The following LZTR1 variants were observed in gnomAD, a reference collection of about 807,000 sequenced individuals.
LZTR1 encodes the protein leucine zipper like post translational regulator 1.
In LZTR1, 260 loss-of-function variants were observed where a neutral mutation model predicts 105.7. That is an observed-to-expected ratio of 2.46 (90% CI 2.22 to 2.72). LZTR1 has a LOEUF of 2.72. Ranked by LOEUF, LZTR1 falls within the 30% of genes most tolerant of loss-of-function variation. LZTR1 has a pLI of 0.00. For missense variants in LZTR1, 1,214 were observed against 1,166.9 expected (o/e 1.04, Z -0.59); for synonymous variants, 490 against 476.4 (o/e 1.03, Z -0.37).
Position 20,994,098 on chromosome 22 carries a change from C to G in LZTR1, c.1450-6C>G, listed in dbSNP as rs1924713521. ...GGGGTGTCCTTGAGCTCCCTTCTCC[C>G]CACAGAAGCTGGAGCAGGAGGCCGC... On this transcript the variant is annotated splice_polypyrimidine_tract_variant and splice_region_variant and intron_variant, in intron 13 of 20. Transcript: ENST00000646124. 6.3e-7 allele frequency: 1 copy of G among 1,577,468 alleles called. No homozygotes were observed. Among genetic ancestry groups the G allele is most frequent in the Non-Finnish European group, 8.6e-7 (1 of 1,159,914 alleles).
intron 20 of LZTR1, 129 bp downstream of exon 20, chr22:20,997,095 C>G (rs772471018): frequency 7.9e-6 from 9 of 1,136,482 alleles, no homozygotes; most frequent in African/African-American, 1.5e-5. Flanking sequence ...GCAGAGCAGC[C>G]CATCACTGGC....
Position 20,996,938 on chromosome 22 carries a change from T to C in LZTR1, c.2378T>C (p.Leu793Pro), listed in dbSNP as rs1057518130. The part of the protein sequence containing the change: ...TQALDMKRHC[L>P]HIIVHQFTKV... ...GCACTGGACATGAAGCGGCACTGCC[T>C]GCACATCATTGTGCACCAGTTCACC... The change falls in exon 20 of 21, where the codon CTG (leucine) becomes CCG (proline). Residue 793 changes from leucine to proline, a missense_variant. Transcript: ENST00000646124. 5 of 1,613,698 alleles carry C rather than the reference T, an allele frequency of 3.1e-6. No individual in the cohort carries two copies. Among genetic ancestry groups the C allele is most frequent in the South Asian group, 1.1e-5 (1 of 91,072 alleles).
intron 2 of LZTR1, among the ~76,000 whole-genome samples, chr22:20,984,041 G>GC (rs1231327834): frequency 6.6e-6 from 1 of 152,152 alleles, no homozygotes; most frequent in South Asian, 2.1e-4. Context: ...TGTACCAAGT[G>GC]CCCCCCTGCT....
Position 20,994,668 on chromosome 22 carries a change from C to T in LZTR1, c.1726C>T (p.Leu576=), listed in dbSNP as rs1169803340. The part of the protein sequence containing the change: ...CRQYIEASVD[L]QNVLVVCESA... ...CCAGTACATCGAGGCCTCCGTGGAC[C>T]TGCAGAACGTGCTGGTTGTGTGCGA... Residue 576 remains leucine (L), a synonymous_variant, in exon 15 of 21, where the codon CTG becomes TTG. Coordinates refer to ENST00000646124, the MANE Select transcript of LZTR1 (RefSeq NM_006767.4). 1.2e-6 allele frequency: 2 copies of T among 1,613,094 alleles called. No individual in the cohort carries two copies. Among genetic ancestry groups the T allele is most frequent in the Admixed American group, 1.7e-5 (1 of 60,026 alleles).
At chr22:20,993,800 A>G (rs761356911) in intron 12 of LZTR1, 46 bp downstream of exon 12, 2 of 1,583,928 alleles carry the variant, frequency 1.3e-6, no homozygotes, top group South Asian at 2.2e-5. Flanking sequence ...GTGCCTGGGC[A>G]GTGGGAATTT....
At chr22:20,997,205 T>A (rs905431223) in intron 20 of LZTR1, 27 bp from the exon 21 acceptor site, 2 of 1,494,588 alleles carry the variant, frequency 1.3e-6, no homozygotes, top group Non-Finnish European at 1.9e-6. Context: ...TCTGGTCCCA[T>A]CTCCTTCCGG....
intron 1 of LZTR1, 23 bp from the exon 2 acceptor site, chr22:20,983,004 G>T: frequency 1.2e-6 from 2 of 1,611,246 alleles, no homozygotes; most frequent in Middle Eastern, 1.7e-4. Context: ...TGTCCTTACC[G>T]CCCTCCACTC....
intron 18 of LZTR1, chr22:20,996,324 TG>T: frequency 3.3e-6 from 2 of 614,740 alleles, no homozygotes; most frequent in Non-Finnish European, 5.7e-6. Context: ...GAGGAACCAG[TG>T]GGTTCCTGAC....
Position 20,982,392 on chromosome 22 carries a change from G to T in LZTR1, c.21G>T (p.Thr7=), listed in dbSNP as rs377622689. The T allele has an allele frequency of 5.8e-6, 9 of 1,558,374 alleles. No individual in the cohort carries two copies. Among genetic ancestry groups the T allele is most frequent in the Non-Finnish European group, 7.8e-6 (9 of 1,150,842 alleles). The change falls in exon 1 of 21, where the codon ACG becomes ACT. Residue 7 remains threonine (T), a synonymous_variant. Coordinates refer to ENST00000646124, the MANE Select transcript of LZTR1 (RefSeq NM_006767.4). ...CCGGGATGGCTGGACCGGGCAGCAC[G>T]GGGGGGCAGATCGGGGCTGCGGCCC... MAGPGS[T]GGQIGAAALA...
At chr22:20,987,463 G>A (rs1443990953) in intron 3 of LZTR1, 41 bp from the exon 4 acceptor site, 1 of 1,205,008 alleles carries the variant, frequency 8.3e-7, no homozygotes, top group Non-Finnish European at 1.2e-6. Context: ...GACCTCATGG[G>A]TGACCCCCGC....
At position 20,991,703 on chromosome 22, in the gene LZTR1, G is replaced by A; in HGVS notation, c.867G>A (p.Met289Ile). ...CGCAGCGGCGCTACGGGCATACCATGGTGGCCTTTGACCGCCACCTCTATG... is the reference window on the plus strand; with the variant it reads ...CGCAGCGGCGCTACGGGCATACCATAGTGGCCTTTGACCGCCACCTCTATG... ...PPPQRRYGHT[M>I]VAFDRHLYVF... Residue 289 changes from methionine (M) to isoleucine (I), a missense_variant, in exon 9 of 21, where the codon ATG becomes ATA. Transcript: ENST00000646124. The A allele has an allele frequency of 6.3e-7, 1 of 1,596,902 alleles. No individual in the cohort carries two copies. Among genetic ancestry groups the A allele is most frequent in the Non-Finnish European group, 8.5e-7 (1 of 1,172,818 alleles).
chr22:20,983,495 A>G (rs1003182999), intron 2 of LZTR1, among the ~76,000 whole-genome samples: 1 of 152,186 alleles, frequency 6.6e-6, no homozygotes, highest in South Asian at 2.1e-4. Flanking sequence ...AAATTGCTCC[A>G]AACATCAGGC....
At position 20,987,589 on chromosome 22, in the gene LZTR1, C is replaced by T. The variant is rs971773000; in HGVS notation, c.400+6C>T. ...GAGCAGCATGTTTGTCTTTGGTAAG[C>T]AGCCTCTTGCCTCCCAGGGGCTGTG... On this transcript the variant is annotated splice_donor_region_variant and intron_variant, in intron 4 of 20. Coordinates refer to ENST00000646124, the MANE Select transcript of LZTR1 (RefSeq NM_006767.4). 66 of 1,613,684 alleles carry T rather than the reference C, an allele frequency of 4.1e-5. No homozygotes were observed. Among genetic ancestry groups the T allele is most frequent in the Non-Finnish European group, 5.6e-5 (66 of 1,179,558 alleles).
At chr22:20,982,713 C>T in intron 1 of LZTR1, 142 bp downstream of exon 1, 2 of 834,196 alleles carry the variant, frequency 2.4e-6, no homozygotes, top group Non-Finnish European at 1.9e-6. Flanking sequence ...GGACGCTGTT[C>T]AGGGCAGGGG....
Position 20,991,989 on chromosome 22 carries a change from G to C in LZTR1, c.993+160G>C, listed in dbSNP as rs956943215. ...GGCCTCAGCCCTGGACACCTGCCCC[G>C]GCCTCCAGCCCCAGCTTCACCCCAC... On this transcript the variant is annotated intron_variant, in intron 9 of 20. Transcript: ENST00000646124. 4.7e-4 allele frequency among the ~76,000 whole-genome samples: 71 copies of C among 152,174 alleles called. 4 individuals are homozygous for C. Among genetic ancestry groups the C allele is most frequent in the Non-Finnish European group, 4.4e-5 (3 of 68,016 alleles).
chr22:20,988,809 C>T lies in LZTR1; in HGVS notation c.530C>T (p.Ala177Val). ...TCCAGGTTGCCAGTCGCTAGGTCAG[C>T]CCATGGGGCCACGGTGTACAGTGAC... Reference protein sequence around the residue: ...IEGRLPVARSAHGATVYSDKL... With the variant: ...IEGRLPVARSVHGATVYSDKL... Residue 177 changes from alanine (A) to valine (V), a missense_variant, in exon 6 of 21, where the codon GCC (alanine) becomes GTC (valine). Transcript: ENST00000646124. 1 of 1,614,076 alleles carries T rather than the reference C, an allele frequency of 6.2e-7. No homozygotes were observed. Among genetic ancestry groups the T allele is most frequent in the Non-Finnish European group, 8.5e-7 (1 of 1,179,978 alleles).
At position 20,994,600 on chromosome 22, in the gene LZTR1, T is replaced by G. The variant is rs1349551741; in HGVS notation, c.1658T>G (p.Leu553Arg). The G allele has an allele frequency of 6.2e-7, 1 of 1,612,522 alleles. No individual in the cohort carries two copies. The highest frequency in any genetic ancestry group is 8.5e-7 in the Non-Finnish European group (1 of 1,179,970). The change falls in exon 15 of 21, where the codon CTG becomes CGG. Residue 553 changes from leucine (L) to arginine (R), a missense_variant. Transcript: ENST00000646124. ...CTGCTCATCATGGATGTGTACAAAC[T>G]GGCACTGAGCTTCCAGTTGTGCCGC... The part of the protein sequence containing the change: ...DVLLIMDVYK[L>R]ALSFQLCRLE...
chr22:20,997,244 C>G lies in LZTR1; in HGVS notation c.2419C>G (p.Pro807Ala). 1 of 1,612,862 alleles carries G rather than the reference C, an allele frequency of 6.2e-7. No homozygotes were observed. The highest frequency in any genetic ancestry group is 8.5e-7 in the Non-Finnish European group (1 of 1,178,996). ...VHQFTKVSKLPTLRSLSQQLL... is the reference protein window; with the variant it reads ...VHQFTKVSKLATLRSLSQQLL... Reference sequence around the variant, plus strand: ...GCTTGCCTTACAGGTCTCCAAGTTGCCCACCCTGCGGTCGCTGAGCCAGCA... The same window carrying G: ...GCTTGCCTTACAGGTCTCCAAGTTGGCCACCCTGCGGTCGCTGAGCCAGCA... Residue 807 changes from proline to alanine, a missense_variant, in exon 21 of 21, where the codon CCC (proline) becomes GCC (alanine). Transcript: ENST00000646124.
chr22:20,994,581 A>T lies in LZTR1; in HGVS notation c.1639A>T (p.Ile547Phe). Residue 547 changes from isoleucine to phenylalanine, a missense_variant, in exon 15 of 21, where the codon ATC becomes TTC. Physicochemically the swap from Ile to Phe is conservative, Grantham distance 21. Coordinates refer to ENST00000646124, the MANE Select transcript of LZTR1 (RefSeq NM_006767.4). ...RKGHVEDVLL[I>F]MDVYKLALSF... is the part of the protein sequence containing the mutation. ...AGGCCATGTGGAGGATGTGCTGCTC[A>T]TCATGGATGTGTACAAACTGGCACT... The T allele has an allele frequency of 6.2e-7, 1 of 1,611,598 alleles. No individual in the cohort carries two copies. The highest frequency in any genetic ancestry group is 8.5e-7 in the Non-Finnish European group (1 of 1,179,956).
Sources: gnomAD v4.1 joint callset for allele counts (sites outside exome capture counted in the v4.1 genomes callset) on GRCh38, gnomAD v4.1.1 for gene constraint, MANE v1.5 for transcripts, NCBI Gene and HGNC (gene_info 2026-07-23, HGNC 2026-07-21) for gene names.